The following KCNH7 variants were observed in gnomAD, a reference collection of about 807,000 sequenced individuals.
The protein encoded by KCNH7 is potassium voltage-gated channel subfamily H member 7, also known as voltage-gated inwardly rectifying potassium channel KCNH7.
Under a neutral mutation model 120.8 loss-of-function variants are expected in KCNH7, and 49 were observed. The ratio of observed to expected loss-of-function variants is 0.41; its 90% CI spans 0.32 to 0.51. The LOEUF is 0.51. Ranked by LOEUF, KCNH7 falls within the 20% of genes least tolerant of loss-of-function variation. The probability of loss-of-function intolerance (pLI) is 0.38; values close to 1 mark genes in which losing one functional copy is unlikely to be tolerated. For missense variants in KCNH7, 1,097 were observed against 1,446.6 expected (o/e 0.76, Z 3.92); for synonymous variants, 547 against 516.1 (o/e 1.06, Z -0.81).
At chr2:162,462,560 A>AGT (rs1375783697) in intron 6 of KCNH7, among the ~76,000 whole-genome samples, 1 of 150,346 alleles carries the variant, frequency 6.7e-6, no homozygotes, top group African/African-American at 2.5e-5. Flanking sequence ...AGAGAGAGAG[A>AGT]GTCAAAAGAG....
At chr2:162,535,247 C>A (rs552650811) in intron 3 of KCNH7, among the ~76,000 whole-genome samples, 62 of 151,494 alleles carry the variant, frequency 4.1e-4, no homozygotes, top group African/African-American at 1.5e-3. Context: ...CACATTTTGA[C>A]AAGAGAAAAC....
At chr2:162,741,040 T>C (rs981528443) in intron 2 of KCNH7, among the ~76,000 whole-genome samples, 58 of 152,140 alleles carry the variant, frequency 3.8e-4, no homozygotes, top group African/African-American at 1.4e-3. Context: ...GCTTCAGAAA[T>C]ACATGATAAT....
chr2:162,604,171 T>C (rs1694653048), intron 2 of KCNH7, among the ~76,000 whole-genome samples: 1 of 152,106 alleles, frequency 6.6e-6, no homozygotes, highest in African/African-American at 2.4e-5. Flanking sequence ...TAATTATGGC[T>C]GTTGGCTTCA....
chr2:162,734,544 T>G lies in KCNH7; in HGVS notation c.307+101993A>C, dbSNP rs571376934. ...GTATTTTGAAACATTATGCTGTTTT[T>G]TTCCACCATGATTCTCTTCAACATG... On this transcript the variant is annotated intron_variant, in intron 2 of 15. Transcript: ENST00000332142. Among the ~76,000 whole-genome samples, 238 of 152,292 alleles carry G rather than the reference T, an allele frequency of 1.6e-3. 1 individual carries two copies. Among genetic ancestry groups the G allele is most frequent in the African/African-American group, 5.5e-3 (229 of 41,568 alleles).
intron 2 of KCNH7, among the ~76,000 whole-genome samples, chr2:162,726,891 A>C (rs909265633): frequency 2.0e-5 from 3 of 152,078 alleles, no homozygotes; most frequent in Non-Finnish European, 1.5e-5. Context: ...GTGGTCAGCT[A>C]TTTTCCCAAG....
intron 3 of KCNH7, among the ~76,000 whole-genome samples, chr2:162,526,133 G>C (rs1157439951): frequency 6.6e-6 from 1 of 151,778 alleles, no homozygotes; most frequent in Non-Finnish European, 1.5e-5. Context: ...GATGCCCCCT[G>C]AGCTGTAAAA....
rs551055264 is a variant in KCNH7 at position 162,576,538 on chromosome 2, C to A, written c.308-39458G>T. ...GAAATTAGTACTCCTTCCTTTTTAC[C>A]TAATCTTAACATTTGCTCTCATTTA... On this transcript the variant is annotated intron_variant, in intron 2 of 15. Coordinates refer to ENST00000332142, the MANE Select transcript of KCNH7 (RefSeq NM_033272.4). Among the ~76,000 whole-genome samples, 3 of 152,154 alleles carry A rather than the reference C, an allele frequency of 2.0e-5. No individual in the cohort carries two copies. In the East Asian group the frequency reaches 5.8e-4, roughly 30 times the overall value.
At chr2:162,692,623 T>C (rs1206332263) in intron 2 of KCNH7, among the ~76,000 whole-genome samples, 1 of 152,166 alleles carries the variant, frequency 6.6e-6, no homozygotes, top group African/African-American at 2.4e-5. Context: ...TGGATTTTTT[T>C]CCTCTATTGA....
chr2:162,625,956 A>T (rs1193085371), intron 2 of KCNH7, among the ~76,000 whole-genome samples: 1 of 152,136 alleles, frequency 6.6e-6, no homozygotes, highest in African/African-American at 2.4e-5. Context: ...AATTATGTCC[A>T]TCAAATGGAA....
intron 2 of KCNH7, among the ~76,000 whole-genome samples, chr2:162,552,701 T>C (rs1435574479): frequency 1.3e-5 from 2 of 152,294 alleles, no homozygotes; most frequent in African/African-American, 4.8e-5. Flanking sequence ...GTCAAAGGTG[T>C]TCCTGCTGGC....
chr2:162,631,847 C>T (rs759516333), intron 2 of KCNH7, among the ~76,000 whole-genome samples: 1 of 151,904 alleles, frequency 6.6e-6, no homozygotes, highest in Non-Finnish European at 1.5e-5. Context: ...AATATTAAAG[C>T]TCGGCAAGAA....
chr2:162,668,473 C>G (rs9973531), intron 2 of KCNH7, among the ~76,000 whole-genome samples: 3 of 151,942 alleles, frequency 2.0e-5, no homozygotes, highest in Admixed American at 2.0e-4. Flanking sequence ...TCACAAGCCA[C>G]CACTGATGTA....
chr2:162,517,612 T>A, intron 4 of KCNH7, 118 bp downstream of exon 4: 3 of 884,814 alleles, frequency 3.4e-6, no homozygotes, highest in Non-Finnish European at 5.0e-6. Flanking sequence ...TTTAATAGCC[T>A]TTAATCACAT....
At chr2:162,760,424 A>T (rs1688931026) in intron 2 of KCNH7, among the ~76,000 whole-genome samples, 2 of 152,116 alleles carry the variant, frequency 1.3e-5, no homozygotes, top group African/African-American at 2.4e-5. Context: ...CATGTTATTT[A>T]TTCAATCTTC....
At chr2:162,794,523 A>G (rs1285939333) in intron 2 of KCNH7, among the ~76,000 whole-genome samples, 2 of 152,116 alleles carry the variant, frequency 1.3e-5, no homozygotes, top group South Asian at 2.1e-4. Flanking sequence ...GTACTTATAC[A>G]TTAACTACCA....
intron 2 of KCNH7, among the ~76,000 whole-genome samples, chr2:162,833,828 G>A (rs1003813494): frequency 2.6e-5 from 4 of 152,090 alleles, no homozygotes; most frequent in East Asian, 3.9e-4. Context: ...ATAATGCCTC[G>A]GTCGTATTTT....
At chr2:162,825,868 T>C (rs1051470033) in intron 2 of KCNH7, among the ~76,000 whole-genome samples, 1 of 152,120 alleles carries the variant, frequency 6.6e-6, no homozygotes, top group Non-Finnish European at 1.5e-5. Flanking sequence ...AATGCTCACA[T>C]GTGTGTATTT....
chr2:162,763,032 T>C (rs1689019943), intron 2 of KCNH7, among the ~76,000 whole-genome samples: 1 of 152,116 alleles, frequency 6.6e-6, no homozygotes, highest in Non-Finnish European at 1.5e-5. Flanking sequence ...ACAGAGATAA[T>C]GAGATCCATC....
chr2:162,607,551 G>A (rs972007190), intron 2 of KCNH7, among the ~76,000 whole-genome samples: 2 of 151,966 alleles, frequency 1.3e-5, no homozygotes, highest in African/African-American at 4.8e-5. Flanking sequence ...GAGAAAAATG[G>A]CTTATTGATT....
Sources: allele counts gnomAD v4.1 joint callset (sites outside exome capture counted in the v4.1 genomes callset), GRCh38; gene constraint gnomAD v4.1.1; transcripts MANE v1.5; gene names NCBI Gene and HGNC (gene_info 2026-07-23, HGNC 2026-07-21).